LINGO2: variants seen among roughly 807,000 people sequenced by gnomAD.
LINGO2 encodes the protein leucine rich repeat and Ig domain containing 2.
A neutral mutation model predicts 30.6 loss-of-function variants in LINGO2; 14 were observed. That is an observed-to-expected ratio of 0.46 (90% CI 0.30 to 0.72). The LOEUF (loss-of-function observed/expected upper bound fraction) is 0.72. LINGO2 is among the 30% of genes least tolerant of loss of function. The pLI, the probability that LINGO2 is intolerant of heterozygous loss-of-function variation, is 0.07. For synonymous variants in LINGO2, 317 were observed against 288.5 expected (o/e 1.10, Z -1.00); for missense variants, 729 against 751.7 (o/e 0.97, Z 0.35).
At chr9:29,205,032 T>C in the LINGO2 span, among the ~76,000 whole-genome samples, 2 of 152,154 alleles carry the variant, frequency 1.3e-5, 1 homozygote, top group Non-Finnish European at 2.9e-5. Flanking sequence ...CCAGTGATTT[T>C]TCTGCATCTG....
chr9:28,848,118 T>C, the LINGO2 span, among the ~76,000 whole-genome samples: 1 of 84,606 alleles, frequency 1.2e-5, no homozygotes, highest in Admixed American at 1.4e-4. Flanking sequence ...ATACACACTA[T>C]ATATACACTA....
the LINGO2 span, among the ~76,000 whole-genome samples, chr9:28,712,020 A>G: frequency 1.3e-5 from 2 of 152,142 alleles, no homozygotes; most frequent in African/African-American, 4.8e-5. Flanking sequence ...TTACAGCAGT[A>G]TAGTATCCAG....
the LINGO2 span, among the ~76,000 whole-genome samples, chr9:29,083,983 C>A: frequency 6.6e-6 from 1 of 152,070 alleles, no homozygotes; most frequent in East Asian, 1.9e-4. Context: ...ACCTGGTGTA[C>A]AATCTTTCCT....
At chr9:28,760,255 A>T in the LINGO2 span, among the ~76,000 whole-genome samples, 19 of 152,080 alleles carry the variant, frequency 1.2e-4, no homozygotes, top group Non-Finnish European at 2.5e-4. Context: ...ATAATTAGTA[A>T]GTATAAAACA....
intron 3 of LINGO2, among the ~76,000 whole-genome samples, chr9:28,344,630 T>C (rs527311514): frequency 2.1e-4 from 32 of 152,256 alleles, no homozygotes; most frequent in Middle Eastern, 3.4e-3. Context: ...TAAATTTATG[T>C]GTATTAAGCT....
chr9:28,862,012 C>A, the LINGO2 span, among the ~76,000 whole-genome samples: 2 of 152,094 alleles, frequency 1.3e-5, no homozygotes, highest in Admixed American at 6.6e-5. Context: ...CATATATCAG[C>A]AGTTCTACAT....
the LINGO2 span, among the ~76,000 whole-genome samples, chr9:29,180,061 G>C: frequency 1.3e-5 from 2 of 152,188 alleles, no homozygotes; most frequent in Non-Finnish European, 2.9e-5. Context: ...GTAGATAGGA[G>C]GAAGGCAGCA....
intron 1 of LINGO2, among the ~76,000 whole-genome samples, chr9:28,614,602 G>C (rs1826056326): frequency 6.6e-6 from 1 of 152,056 alleles, no homozygotes; most frequent in Non-Finnish European, 1.5e-5. Context: ...GCTTTAAAGA[G>C]GCAGCTAGAT....
intron 2 of LINGO2, among the ~76,000 whole-genome samples, chr9:28,454,368 C>T (rs982352283): frequency 1.3e-5 from 2 of 151,996 alleles, no homozygotes; most frequent in African/African-American, 4.8e-5. Flanking sequence ...CACACATACA[C>T]ACAAACACAG....
chr9:28,152,332 G>A (rs976390392), intron 4 of LINGO2, among the ~76,000 whole-genome samples: 1 of 151,776 alleles, frequency 6.6e-6, no homozygotes. Flanking sequence ...TTTCTTTCTC[G>A]CCATGTGACC....
intron 4 of LINGO2, among the ~76,000 whole-genome samples, chr9:28,194,995 T>G (rs1038900587): frequency 6.6e-6 from 1 of 151,942 alleles, no homozygotes; most frequent in East Asian, 1.9e-4. Flanking sequence ...TTTCTAGCCT[T>G]AACAGAATAA....
chr9:28,351,207 A>G (rs1410282555), intron 3 of LINGO2, among the ~76,000 whole-genome samples: 1 of 149,886 alleles, frequency 6.7e-6, no homozygotes, highest in East Asian at 2.0e-4. Context: ...TAATGAATCC[A>G]GGAGCTGGTT....
intron 2 of LINGO2, among the ~76,000 whole-genome samples, chr9:28,381,315 T>C (rs1667362838): frequency 6.6e-6 from 1 of 152,094 alleles, no homozygotes; most frequent in African/African-American, 2.4e-5. Flanking sequence ...AGTCTGTGGG[T>C]ATTTGGGTGC....
chr9:28,573,349 G>A (rs1009677983), intron 1 of LINGO2, among the ~76,000 whole-genome samples: 4 of 151,984 alleles, frequency 2.6e-5, no homozygotes, highest in Admixed American at 6.6e-5. Context: ...TACACTAATT[G>A]CATATTTAAT....
At chr9:28,280,940 C>A (rs538731384) in intron 4 of LINGO2, among the ~76,000 whole-genome samples, 1 of 152,252 alleles carries the variant, frequency 6.6e-6, no homozygotes, top group African/African-American at 2.4e-5. Flanking sequence ...GTAGCAACAA[C>A]CCTAACACCT....
the LINGO2 span, among the ~76,000 whole-genome samples, chr9:28,964,204 C>G: frequency 6.6e-6 from 1 of 151,756 alleles, no homozygotes; most frequent in African/African-American, 2.4e-5. Context: ...ATATCCAGTT[C>G]AGAAGTTATA....
rs547207900 is a variant in LINGO2, at chr9:28,237,121, G to T, written c.-87+58087C>A. ...AAACAAAATAGTTAAACAGTGCGGG[G>T]GGGGGGTAAAGTTAAATGTAGGATT... On this transcript the variant is annotated intron_variant, in intron 4 of 5. Transcript: ENST00000379992. 2.7e-3 allele frequency among the ~76,000 whole-genome samples: 381 copies of T among 141,270 alleles called. 2 individuals are homozygous for T. The highest frequency in any genetic ancestry group is 9.7e-3 in the African/African-American group (364 of 37,612). 92.7% of individuals were successfully genotyped at this position (141,270 alleles called of 152,430 possible).
chr9:28,122,889 A>G (rs1827138248), intron 4 of LINGO2, among the ~76,000 whole-genome samples: 1 of 152,254 alleles, frequency 6.6e-6, no homozygotes, highest in Non-Finnish European at 1.5e-5. Context: ...TATAGCAGGC[A>G]ACATGCCTAC....
the LINGO2 span, among the ~76,000 whole-genome samples, chr9:29,212,005 C>T: frequency 6.6e-6 from 1 of 152,196 alleles, no homozygotes; most frequent in East Asian, 1.9e-4. Flanking sequence ...TCTCACCCTT[C>T]ACTCCCTCCC....
Sources: gnomAD v4.1 joint callset for allele counts (sites outside exome capture counted in the v4.1 genomes callset) on GRCh38, gnomAD v4.1.1 for gene constraint, MANE v1.5 for transcripts, NCBI Gene and HGNC (gene_info 2026-07-23, HGNC 2026-07-21) for gene names.